The following ERBB4 variants were observed in gnomAD, a reference collection of about 807,000 sequenced individuals.
ERBB4 encodes the protein receptor tyrosine-protein kinase erbB-4.
ERBB4 carries 42 observed loss-of-function variants against 158.0 expected under a neutral mutation model. The ratio of observed to expected loss-of-function variants is 0.27; its 90% CI spans 0.21 to 0.34. The LOEUF (loss-of-function observed/expected upper bound fraction) is 0.34. Among genes scored for constraint, ERBB4 ranks in the 10% least tolerant of loss-of-function variants. ERBB4 has a pLI of 1.00. For synonymous variants in ERBB4, 583 were observed against 558.7 expected, an observed-to-expected ratio of 1.04 and a Z score of -0.61; for missense variants, 1,333 against 1,624.1, an observed-to-expected ratio of 0.82 and a Z score of 3.08.
At chr2:211,975,460 T>G (rs757273606) in intron 2 of ERBB4, among the ~76,000 whole-genome samples, 3 of 152,184 alleles carry the variant, frequency 2.0e-5, no homozygotes, top group Non-Finnish European at 4.4e-5. Context: ...TTTGGAGCTA[T>G]AGCTTTCTTT....
chr2:211,427,519 T>C (rs151080843), intron 22 of ERBB4, among the ~76,000 whole-genome samples: 2 of 152,296 alleles, frequency 1.3e-5, no homozygotes, highest in African/African-American at 2.4e-5. Context: ...GTCACTCTTT[T>C]CCAGTTCATA....
chr2:211,482,304 A>G (rs1447529636), intron 20 of ERBB4, among the ~76,000 whole-genome samples: 1 of 152,224 alleles, frequency 6.6e-6, no homozygotes. Context: ...TCTGTTCCCA[A>G]TAGCCAGAGT....
At chr2:211,886,210 A>T (rs1004293747) in intron 3 of ERBB4, among the ~76,000 whole-genome samples, 6 of 152,144 alleles carry the variant, frequency 3.9e-5, no homozygotes, top group Non-Finnish European at 7.4e-5. Flanking sequence ...CACATTATTA[A>T]CCTTTAGTCA....
At chr2:211,870,257 C>A (rs1330234284) in intron 3 of ERBB4, among the ~76,000 whole-genome samples, 1 of 151,998 alleles carries the variant, frequency 6.6e-6, no homozygotes, top group Non-Finnish European at 1.5e-5. Context: ...TTTTTGTGTT[C>A]TCAAGTACAA....
At chr2:212,016,186 C>G in intron 2 of ERBB4, among the ~76,000 whole-genome samples, 1 of 151,276 alleles carries the variant, frequency 6.6e-6, no homozygotes, top group Non-Finnish European at 1.5e-5. Context: ...TTTATATGCC[C>G]CCTACTTGGT....
chr2:212,400,191 T>C (rs773562722), intron 1 of ERBB4, among the ~76,000 whole-genome samples: 4 of 152,110 alleles, frequency 2.6e-5, no homozygotes, highest in South Asian at 2.1e-4. Flanking sequence ...CTTTGAAAGA[T>C]TGTAAGTAGA....
At chr2:211,415,923 C>CAGAT (rs2063379175) in intron 25 of ERBB4, among the ~76,000 whole-genome samples, 2 of 152,090 alleles carry the variant, frequency 1.3e-5, no homozygotes, top group Admixed American at 6.5e-5. Flanking sequence ...TACTTCTTAG[C>CAGAT]AGATAGAAAA....
rs374698847 is a variant in ERBB4 at position 211,661,504 on chromosome 2, C to T, written c.1872-3676G>A. Among the ~76,000 whole-genome samples the T allele has an allele frequency of 1.6e-4, 25 of 152,240 alleles. No homozygotes were observed. The East Asian group carries it at 3.3e-3, about 20-fold the overall frequency. On this transcript the variant is annotated intron_variant, in intron 15 of 27. Transcript: ENST00000342788. ...AATATCTAAAGTTCTGAATATTAAA[C>T]TGTGTTTAACCTTTGTTAGTACTAA...
intron 1 of ERBB4, among the ~76,000 whole-genome samples, chr2:212,496,029 G>A (rs1203713388): frequency 2.6e-5 from 4 of 151,970 alleles, no homozygotes; most frequent in African/African-American, 9.7e-5. Flanking sequence ...AATTTTCAAA[G>A]ATTCTCTTAG....
intron 20 of ERBB4, among the ~76,000 whole-genome samples, chr2:211,442,826 T>A (rs926606278): frequency 6.6e-6 from 1 of 152,106 alleles, no homozygotes; most frequent in Non-Finnish European, 1.5e-5. Context: ...AAATGAGTAA[T>A]GGAAGAAGTA....
At chr2:211,503,666 G>A (rs1367898986) in intron 20 of ERBB4, among the ~76,000 whole-genome samples, 1 of 152,158 alleles carries the variant, frequency 6.6e-6, no homozygotes, top group Non-Finnish European at 1.5e-5. Flanking sequence ...CCTGCTTCTT[G>A]GGCTGGATGC....
chr2:211,956,728 AAATT>A (rs1392840566), intron 2 of ERBB4, among the ~76,000 whole-genome samples: 9 of 152,154 alleles, frequency 5.9e-5, no homozygotes, highest in African/African-American at 2.2e-4. Flanking sequence ...TTTAATATTA[AAATT>A]AATTAAACAA....
At chr2:211,908,287 C>T (rs991626665) in intron 3 of ERBB4, among the ~76,000 whole-genome samples, 1 of 151,730 alleles carries the variant, frequency 6.6e-6, no homozygotes, top group Admixed American at 6.6e-5. Context: ...AGTTGATTTT[C>T]CTGACATTAT....
chr2:211,997,201 A>T (rs910215246), intron 2 of ERBB4, among the ~76,000 whole-genome samples: 1 of 152,150 alleles, frequency 6.6e-6, no homozygotes, highest in African/African-American at 2.4e-5. Context: ...TCAAAAAGAT[A>T]ATAGTCTATA....
rs568616077 is a variant in ERBB4, at chr2:212,309,435, A to T, written c.83-184532T>A. On this transcript the variant is annotated intron_variant, in intron 1 of 27. Transcript: ENST00000342788. Reference sequence around the variant, plus strand: ...AGATGAATGAAACAGTTTTAGTTTTAGTCCTTTTTCATGTTTAAAATAAAG... The same window carrying T: ...AGATGAATGAAACAGTTTTAGTTTTTGTCCTTTTTCATGTTTAAAATAAAG... 4.0e-5 allele frequency among the ~76,000 whole-genome samples: 6 copies of T among 151,002 alleles called. No individual in the cohort carries two copies. The South Asian group carries it at 1.2e-3, about 31-fold the overall frequency.
intron 15 of ERBB4, among the ~76,000 whole-genome samples, chr2:211,661,613 G>T (rs931763807): frequency 2.0e-5 from 3 of 152,004 alleles, no homozygotes; most frequent in African/African-American, 7.2e-5. Flanking sequence ...AAATAAAAAT[G>T]AAGGAAATTT....
At position 211,621,503 on chromosome 2, in the gene ERBB4, A is replaced by C. The variant is rs2069601275; in HGVS notation, c.2203-2228T>G. On this transcript the variant is annotated intron_variant, in intron 18 of 27. Coordinates refer to ENST00000342788, the MANE Select transcript of ERBB4 (RefSeq NM_005235.3). ...CAAGTAATTTCAATTAGGGTAAAAC[A>C]CTCATGCACAATAGACAAATAAATG... Among the ~76,000 whole-genome samples, 4 of 152,196 alleles carry C rather than the reference A, an allele frequency of 2.6e-5. No individual in the cohort carries two copies. In the South Asian group the frequency reaches 8.3e-4, roughly 31 times the overall value.
intron 10 of ERBB4, among the ~76,000 whole-genome samples, chr2:211,704,512 C>T (rs2073365177): frequency 6.6e-6 from 1 of 152,156 alleles, no homozygotes; most frequent in East Asian, 1.9e-4. Context: ...CATCTGTTCA[C>T]TTATGACATC....
chr2:212,461,860 T>A (rs1370725464), intron 1 of ERBB4, among the ~76,000 whole-genome samples: 1 of 152,156 alleles, frequency 6.6e-6, no homozygotes, highest in Non-Finnish European at 1.5e-5. Context: ...TCTCATGAGA[T>A]CTGATGGTTT....
Sources: allele counts gnomAD v4.1 joint callset (sites outside exome capture counted in the v4.1 genomes callset), GRCh38; gene constraint gnomAD v4.1.1; transcripts MANE v1.5; gene names NCBI Gene and HGNC (gene_info 2026-07-23, HGNC 2026-07-21).